Variants in NLRP14 observed in about 807,000 individuals in gnomAD.
NLRP14 encodes the protein NLR family pyrin domain containing 14.
A neutral mutation model predicts 94.7 loss-of-function variants in NLRP14; 105 were observed. The observed-to-expected ratio is 1.11, with a 90% CI of 0.95 to 1.30. The LOEUF is 1.30. Among genes scored for constraint, NLRP14 ranks in the 50% most tolerant of loss-of-function variants. NLRP14 has a pLI of 0.00. For synonymous variants in NLRP14, 508 were observed against 459.9 expected (o/e 1.10, Z -1.34); for missense variants, 1,362 against 1,254.1 (o/e 1.09, Z -1.30).
intron 1 of NLRP14, among the ~76,000 whole-genome samples, chr11:7,030,824 CG>C (rs1481386162): frequency 1.3e-5 from 2 of 152,168 alleles, no homozygotes; most frequent in African/African-American, 4.8e-5. Flanking sequence ...TTCAATTCCC[CG>C]ACTTCCTCTT....
chr11:7,060,029 C>T lies in NLRP14; in HGVS notation c.2769C>T (p.Val923=), dbSNP rs780909321. Residue 923 remains valine (V), a synonymous_variant, in exon 9 of 12, where the codon GTC becomes GTT. Coordinates refer to ENST00000299481, the MANE Select transcript of NLRP14 (RefSeq NM_176822.4). ...QDNGVKLLCD[V]FRHPSCNLQD... is the part of the protein sequence containing the mutation. ...ATGGAGTGAAGCTTCTGTGTGATGT[C>T]TTTCGGCATCCAAGCTGTAATCTTC... The T allele has an allele frequency of 1.9e-6, 3 of 1,612,634 alleles. No homozygotes were observed. The East Asian group carries it at 6.7e-5, about 36-fold the overall frequency.
intron 1 of NLRP14, among the ~76,000 whole-genome samples, chr11:7,028,395 C>T (rs887231367): frequency 2.0e-5 from 3 of 152,262 alleles, no homozygotes; most frequent in Middle Eastern, 3.4e-3. Context: ...ACTTTCAGCA[C>T]CACGACTGCT....
chr11:7,057,610 C>T (rs188951790), intron 6 of NLRP14, 67 bp from the exon 7 acceptor site: 15 of 1,398,372 alleles, frequency 1.1e-5, no homozygotes, highest in Admixed American at 6.7e-5. Context: ...CCTTTGGGAT[C>T]GGTAGGTGTT....
At chr11:7,037,925 CTG>C (rs991533645) in intron 1 of NLRP14, among the ~76,000 whole-genome samples, 8 of 152,160 alleles carry the variant, frequency 5.3e-5, no homozygotes, top group African/African-American at 1.9e-4. Context: ...CCCAGACTAA[CTG>C]TGGTGTTGGG....
the NLRP14 span, among the ~76,000 whole-genome samples, chr11:7,084,648 C>T: frequency 7.2e-5 from 11 of 152,304 alleles, no homozygotes; most frequent in Non-Finnish European, 1.0e-4. Flanking sequence ...CCCTACACTC[C>T]AGACCCTTCC....
At chr11:7,089,396 C>T in the NLRP14 span, 3 of 1,591,824 alleles carry the variant, frequency 1.9e-6, no homozygotes, top group Admixed American at 5.2e-5. Flanking sequence ...TCGAGAGCAG[C>T]CGGCGGGGCC....
chr11:7,029,961 C>T (rs1048824326), intron 1 of NLRP14, among the ~76,000 whole-genome samples: 5 of 152,180 alleles, frequency 3.3e-5, no homozygotes, highest in African/African-American at 9.7e-5. Flanking sequence ...TTAATGCCAA[C>T]GAATACTGGC....
At position 7,060,029 on chromosome 11, in the gene NLRP14, C is replaced by A. The variant is rs780909321; in HGVS notation, c.2769C>A (p.Val923=). 1.2e-6 allele frequency: 2 copies of A among 1,612,752 alleles called. No homozygotes were observed. The highest frequency in any genetic ancestry group is 3.3e-5 in the Admixed American group (2 of 59,924). ...QDNGVKLLCD[V]FRHPSCNLQD... ...ATGGAGTGAAGCTTCTGTGTGATGT[C>A]TTTCGGCATCCAAGCTGTAATCTTC... Residue 923 remains valine (V), a synonymous_variant, in exon 9 of 12, where the codon GTC becomes GTA. Transcript: ENST00000299481.
intron 1 of NLRP14, among the ~76,000 whole-genome samples, chr11:7,022,552 T>C (rs1851962076): frequency 6.6e-6 from 1 of 152,152 alleles, no homozygotes; most frequent in African/African-American, 2.4e-5. Context: ...GAAAAGGGAA[T>C]CTTTAAGCAG....
intron 4 of NLRP14, 78 bp downstream of exon 4, chr11:7,044,062 T>G: frequency 7.3e-7 from 1 of 1,369,334 alleles, no homozygotes; most frequent in Non-Finnish European, 1.0e-6. Flanking sequence ...AGGAGGCGTT[T>G]AGCTGAGGTC....
intron 1 of NLRP14, among the ~76,000 whole-genome samples, chr11:7,031,513 A>G (rs76316896): frequency 1.3e-5 from 2 of 152,218 alleles, no homozygotes; most frequent in African/African-American, 4.8e-5. Context: ...CATTTGTCAA[A>G]TTCCAAAGAG....
chr11:7,075,616 A>G (rs1199739342), downstream of NLRP14, among the ~76,000 whole-genome samples: 1 of 152,168 alleles, frequency 6.6e-6, no homozygotes, highest in Non-Finnish European at 1.5e-5. Context: ...TTATGTGTTC[A>G]TTTTACTTAT....
At chr11:7,046,440 G>T (rs1852350667) in intron 4 of NLRP14, among the ~76,000 whole-genome samples, 1 of 151,986 alleles carries the variant, frequency 6.6e-6, no homozygotes, top group African/African-American at 2.4e-5. Flanking sequence ...TTTTTATTTT[G>T]TGTGTGTTGA....
At chr11:7,068,321 TTTC>T (rs1174160744) in intron 10 of NLRP14, among the ~76,000 whole-genome samples, 1 of 152,188 alleles carries the variant, frequency 6.6e-6, no homozygotes, top group East Asian at 1.9e-4. Context: ...ACATATTCCC[TTTC>T]TTCTTCTCCA....
intron 10 of NLRP14, among the ~76,000 whole-genome samples, chr11:7,065,297 A>G (rs1852688762): frequency 1.3e-5 from 2 of 152,158 alleles, no homozygotes; most frequent in South Asian, 4.2e-4. Context: ...CTTTATTCCA[A>G]AGTGCTTACT....
At chr11:7,075,276 CTTAT>C (rs763694116), downstream of NLRP14, among the ~76,000 whole-genome samples, 31 of 152,250 alleles carry the variant, frequency 2.0e-4, no homozygotes, top group Middle Eastern at 3.4e-3. Context: ...ATGAATGTCA[CTTAT>C]GACTATGCAA....
chr11:7,056,004 C>A (rs1408672320), intron 6 of NLRP14, among the ~76,000 whole-genome samples: 1 of 151,902 alleles, frequency 6.6e-6, no homozygotes, highest in Non-Finnish European at 1.5e-5. Context: ...CAGTTTGGAG[C>A]CATAATCCTC....
intron 4 of NLRP14, 147 bp from the exon 5 acceptor site, chr11:7,046,521 T>C: frequency 2.7e-6 from 2 of 738,142 alleles, no homozygotes; most frequent in Admixed American, 3.8e-5. Flanking sequence ...GAAGACTTCC[T>C]GGTGGACTGT....
chr11:7,069,428 C>T (rs1852757764), intron 10 of NLRP14, among the ~76,000 whole-genome samples: 6 of 152,200 alleles, frequency 3.9e-5, no homozygotes. Flanking sequence ...CATACTTCCT[C>T]AGTTCACGTA....
Sources: gnomAD v4.1 joint callset for allele counts (sites outside exome capture counted in the v4.1 genomes callset) on GRCh38, gnomAD v4.1.1 for gene constraint, MANE v1.5 for transcripts, NCBI Gene and HGNC (gene_info 2026-07-23, HGNC 2026-07-21) for gene names.